SMS: variants seen among roughly 807,000 people sequenced by gnomAD.
SMS encodes the protein spermidine aminopropyltransferase.
In SMS, 3 loss-of-function variants were observed where a neutral mutation model predicts 33.0. The ratio of observed to expected loss-of-function variants is 0.09; its 90% confidence interval spans 0.04 to 0.23. The LOEUF is 0.23. Among genes scored for constraint, SMS ranks in the 10% least tolerant of loss-of-function variants. The pLI is 1.00. For missense variants in SMS, 117 were observed against 288.6 expected (o/e 0.41, Z 4.31); for synonymous variants, 103 against 112.2 (o/e 0.92, Z 0.52).
chrX:21,963,264 G>A (rs1365227853), intron 1 of SMS, among the ~76,000 whole-genome samples: 2 of 111,316 alleles, frequency 1.8e-5, no homozygotes, highest in African/African-American at 6.5e-5. Flanking sequence ...CAAATCAGGA[G>A]GAAGGTGAGG....
intron 9 of SMS, among the ~76,000 whole-genome samples, chrX:21,986,817 C>T (rs1264986188): frequency 1.8e-5 from 2 of 111,784 alleles, no homozygotes; most frequent in Non-Finnish European, 3.8e-5. Context: ...TACATAGTGT[C>T]TGTGGCTGCT....
intron 7 of SMS, among the ~76,000 whole-genome samples, chrX:21,982,311 C>T (rs1925011167): frequency 9.9e-6 from 1 of 101,443 alleles, no homozygotes; most frequent in Non-Finnish European, 2.0e-5. Flanking sequence ...GCACTCCAGC[C>T]TGGGCGACAG....
chrX:21,950,994 G>A (rs985736086), intron 1 of SMS, among the ~76,000 whole-genome samples: 6 of 111,661 alleles, frequency 5.4e-5, no homozygotes, highest in East Asian at 2.8e-4. Context: ...TGGTTTTTCC[G>A]GTTCTAGATC....
At chrX:21,976,566 T>C (rs751167197) in intron 4 of SMS, among the ~76,000 whole-genome samples, 2 of 92,840 alleles carry the variant, frequency 2.2e-5, no homozygotes, top group African/African-American at 4.6e-5. Flanking sequence ...AAAAAAATTA[T>C]ACGTTACATG....
intron 1 of SMS, among the ~76,000 whole-genome samples, chrX:21,950,781 CT>C (rs964123262): frequency 9.0e-6 from 1 of 111,436 alleles, no homozygotes; most frequent in Admixed American, 9.5e-5. Flanking sequence ...GGAACTCATT[CT>C]TTTTTATGGT....
chrX:21,942,874 C>G (rs1308106699), intron 1 of SMS, among the ~76,000 whole-genome samples: 1 of 96,845 alleles, frequency 1.0e-5, no homozygotes, highest in African/African-American at 4.0e-5. Context: ...GAGTCTCACT[C>G]TGTCGCCCAG....
Position 21,984,195 on chromosome X carries a change from T to A in SMS, c.751-109T>A, listed in dbSNP as rs750078292. On this transcript the variant is annotated intron_variant, in intron 7 of 10. Coordinates refer to ENST00000404933, the MANE Select transcript of SMS (RefSeq NM_004595.5). ...CTGTAGCAGTTGCTGTGGATAGCTG[T>A]GGATATAAGCCCATACTTGGCGCTT... is the stretch of plus-strand genomic sequence containing the variant. 3 of 578,367 alleles carry A rather than the reference T, an allele frequency of 5.2e-6. No homozygotes were observed. In the East Asian group the frequency reaches 1.0e-4, roughly 19 times the overall value. The allele number at this position is 578,367 out of a possible 1,213,427, so 47.7% of individuals were successfully genotyped here.
intron 1 of SMS, among the ~76,000 whole-genome samples, chrX:21,962,573 A>G (rs1205779483): frequency 9.0e-6 from 1 of 111,370 alleles, no homozygotes; most frequent in East Asian, 2.8e-4. Context: ...TTTTGAAAAT[A>G]CTCATGCCTG....
intron 10 of SMS, 90 bp downstream of exon 10, chrX:21,992,802 A>T: frequency 1.9e-6 from 1 of 528,007 alleles, no homozygotes. Context: ...AATAATAAAC[A>T]ATTAGCTTAG....
At chrX:21,948,423 T>C (rs1282680715) in intron 1 of SMS, among the ~76,000 whole-genome samples, 1 of 99,303 alleles carries the variant, frequency 1.0e-5, no homozygotes, top group Non-Finnish European at 2.0e-5. Context: ...TAATAACCAG[T>C]AGTCAGTCAA....
chrX:21,972,916 C>CA (rs981181175), intron 4 of SMS, among the ~76,000 whole-genome samples: 1,924 of 38,582 alleles, frequency 0.05, 63 homozygotes, highest in African/African-American at 0.095. Flanking sequence ...GAGACTGTCT[C>CA]AAAAAAAAAA....
intron 4 of SMS, among the ~76,000 whole-genome samples, chrX:21,975,774 C>T (rs1376387022): frequency 3.6e-5 from 4 of 110,654 alleles, no homozygotes; most frequent in African/African-American, 6.6e-5. Flanking sequence ...TTTTCAATCT[C>T]GGTGTTCTTT....
intron 1 of SMS, among the ~76,000 whole-genome samples, chrX:21,945,827 G>A (rs1200232381): frequency 9.0e-6 from 1 of 110,567 alleles, no homozygotes; most frequent in Non-Finnish European, 1.9e-5. Context: ...GTTTCGCCAT[G>A]TTGGCCAGGC....
intron 1 of SMS, among the ~76,000 whole-genome samples, chrX:21,950,894 C>G (rs1170873173): frequency 8.9e-6 from 1 of 111,905 alleles, no homozygotes; most frequent in Non-Finnish European, 1.9e-5. Flanking sequence ...GTAAATAGTG[C>G]TTAGTAAACA....
At chrX:21,956,286 T>G (rs1239781260) in intron 1 of SMS, among the ~76,000 whole-genome samples, 1 of 110,585 alleles carries the variant, frequency 9.0e-6, no homozygotes, top group African/African-American at 3.3e-5. Flanking sequence ...TATGAAAAAG[T>G]CCTGTAAATT....
chrX:21,945,409 C>T (rs1922142458), intron 1 of SMS, among the ~76,000 whole-genome samples: 1 of 111,622 alleles, frequency 9.0e-6, no homozygotes, highest in African/African-American at 3.3e-5. Context: ...CTCAAATTCA[C>T]AAATTCTATA....
chrX:21,956,784 G>A (rs190085918), intron 1 of SMS, among the ~76,000 whole-genome samples: 21 of 111,921 alleles, frequency 1.9e-4, no homozygotes, highest in African/African-American at 5.8e-4. Flanking sequence ...TAGCAGAGAC[G>A]GAGTTTCGCC....
At chrX:21,989,144 G>A (rs971154598) in intron 9 of SMS, among the ~76,000 whole-genome samples, 3 of 110,934 alleles carry the variant, frequency 2.7e-5, no homozygotes, top group East Asian at 5.6e-4. Flanking sequence ...GATAAAAGTT[G>A]CTAAGGATGT....
chrX:21,977,637 CAT>C (rs1924620565), intron 5 of SMS, among the ~76,000 whole-genome samples: 3 of 111,864 alleles, frequency 2.7e-5, no homozygotes, highest in Admixed American at 1.9e-4. Context: ...TTGTCCCTCT[CAT>C]ATTATTTTGA....
Sources: allele counts gnomAD v4.1 joint callset (sites outside exome capture counted in the v4.1 genomes callset), GRCh38; gene constraint gnomAD v4.1.1; transcripts MANE v1.5; gene names NCBI Gene and HGNC (gene_info 2026-07-23, HGNC 2026-07-21).